SLC24A3: variants seen among roughly 807,000 people sequenced by gnomAD.
SLC24A3 encodes solute carrier family 24 member 3.
In SLC24A3, 28 loss-of-function variants were observed where a neutral mutation model predicts 75.8. That is an observed-to-expected ratio of 0.37 (90% CI 0.27 to 0.51). The LOEUF (loss-of-function observed/expected upper bound fraction) is 0.51. Ranked by LOEUF, SLC24A3 falls within the 20% of genes least tolerant of loss-of-function variation. The pLI, the probability that SLC24A3 is intolerant of heterozygous loss-of-function variation, is 0.94. For synonymous variants in SLC24A3, 372 were observed against 334.1 expected (o/e 1.11, Z -1.24); for missense variants, 663 against 847.8 (o/e 0.78, Z 2.71).
intron 2 of SLC24A3, among the ~76,000 whole-genome samples, chr20:19,376,427 T>A (rs1272406812): frequency 6.6e-6 from 1 of 152,160 alleles, no homozygotes; most frequent in African/African-American, 2.4e-5. Context: ...TTGAACAAAG[T>A]GAGGCTTCCG....
At chr20:19,237,666 T>C (rs961637104) in intron 1 of SLC24A3, among the ~76,000 whole-genome samples, 4 of 152,172 alleles carry the variant, frequency 2.6e-5, no homozygotes, top group Non-Finnish European at 4.4e-5. Context: ...CGTCATTGAA[T>C]GGACAACAGC....
chr20:19,238,965 T>TGC (rs1290087072), intron 1 of SLC24A3, among the ~76,000 whole-genome samples: 1 of 91,988 alleles, frequency 1.1e-5, no homozygotes, highest in African/African-American at 5.5e-5. Context: ...CATGGGCGCA[T>TGC]GCACACACAC....
At chr20:19,457,164 C>G (rs1024210606) in intron 2 of SLC24A3, among the ~76,000 whole-genome samples, 1 of 152,118 alleles carries the variant, frequency 6.6e-6, no homozygotes, top group Admixed American at 6.5e-5. Flanking sequence ...ACCCTAATGG[C>G]GTAATCCCAG....
chr20:19,410,582 G>A (rs1986725781), intron 2 of SLC24A3, among the ~76,000 whole-genome samples: 1 of 152,084 alleles, frequency 6.6e-6, no homozygotes, highest in South Asian at 2.1e-4. Flanking sequence ...CCCTGGTTGG[G>A]TTGAAAAATA....
At chr20:19,269,825 T>C (rs1983272087) in intron 1 of SLC24A3, among the ~76,000 whole-genome samples, 1 of 152,188 alleles carries the variant, frequency 6.6e-6, no homozygotes, top group Non-Finnish European at 1.5e-5. Context: ...CTGAGGCCCG[T>C]ATAATAATAG....
At chr20:19,659,920 A>G (rs2032307593) in intron 7 of SLC24A3, among the ~76,000 whole-genome samples, 1 of 152,156 alleles carries the variant, frequency 6.6e-6, no homozygotes, top group African/African-American at 2.4e-5. Context: ...GAATTTTTTC[A>G]TTAAAATAAC....
chr20:19,620,053 A>G (rs1431504242), intron 6 of SLC24A3, among the ~76,000 whole-genome samples: 5 of 152,104 alleles, frequency 3.3e-5, no homozygotes, highest in Admixed American at 3.3e-4. Context: ...TTTTCAGAGG[A>G]ACTGGACCAC....
intron 2 of SLC24A3, among the ~76,000 whole-genome samples, chr20:19,433,761 G>A (rs1267704590): frequency 6.6e-6 from 1 of 152,196 alleles, no homozygotes; most frequent in Non-Finnish European, 1.5e-5. Context: ...TAGCGCCAAG[G>A]GGAAGTAGGA....
chr20:19,316,064 C>T (rs1347787673), intron 2 of SLC24A3, among the ~76,000 whole-genome samples: 4 of 152,148 alleles, frequency 2.6e-5, no homozygotes, highest in African/African-American at 9.7e-5. Context: ...TGGCTGGGGG[C>T]GGCAGCTCAC....
intron 1 of SLC24A3, among the ~76,000 whole-genome samples, chr20:19,280,265 C>G (rs1022873511): frequency 6.6e-6 from 1 of 152,172 alleles, no homozygotes; most frequent in Non-Finnish European, 1.5e-5. Flanking sequence ...CTACTGTTTC[C>G]TAGTTCGTGC....
At chr20:19,373,285 GA>G (rs1986022513) in intron 2 of SLC24A3, among the ~76,000 whole-genome samples, 2 of 152,146 alleles carry the variant, frequency 1.3e-5, no homozygotes, top group African/African-American at 4.8e-5. Flanking sequence ...GCCTCTCTCG[GA>G]GGCCCTTCCT....
chr20:19,662,368 G>A (rs1216834859), intron 7 of SLC24A3, among the ~76,000 whole-genome samples: 1 of 152,250 alleles, frequency 6.6e-6, no homozygotes, highest in African/African-American at 2.4e-5. Context: ...GTTGACCCCA[G>A]GACAGAGCAC....
intron 3 of SLC24A3, among the ~76,000 whole-genome samples, chr20:19,558,893 A>G (rs1239589948): frequency 6.6e-6 from 1 of 152,200 alleles, no homozygotes; most frequent in Non-Finnish European, 1.5e-5. Context: ...TAATTGATAA[A>G]CATCTGGATT....
intron 1 of SLC24A3, among the ~76,000 whole-genome samples, chr20:19,251,846 A>G (rs904849223): frequency 2.0e-5 from 3 of 152,318 alleles, no homozygotes; most frequent in East Asian, 3.9e-4. Context: ...CGGGGTCCCC[A>G]AGGGGGCATG....
intron 2 of SLC24A3, among the ~76,000 whole-genome samples, chr20:19,390,527 G>A (rs957851047): frequency 4.6e-5 from 7 of 152,100 alleles, no homozygotes; most frequent in Non-Finnish European, 7.4e-5. Context: ...ATGAAGAATG[G>A]CCTGGCACTG....
intron 2 of SLC24A3, among the ~76,000 whole-genome samples, chr20:19,333,830 A>G (rs140725193): frequency 0.011 from 1,744 of 152,278 alleles, 17 homozygotes; most frequent in South Asian, 0.017. Flanking sequence ...CCTCCACCAC[A>G]CATGACTTGG....
intron 2 of SLC24A3, among the ~76,000 whole-genome samples, chr20:19,394,765 G>A (rs949961259): frequency 2.6e-5 from 4 of 152,198 alleles, no homozygotes; most frequent in Non-Finnish European, 5.9e-5. Context: ...GTGTACTCTT[G>A]GAGGGAATGT....
intron 2 of SLC24A3, among the ~76,000 whole-genome samples, chr20:19,482,184 C>G (rs1417177005): frequency 1.3e-5 from 2 of 152,152 alleles, no homozygotes; most frequent in Admixed American, 1.3e-4. Context: ...GGGTGAAGAC[C>G]AACACTTCAA....
At chr20:19,251,371 G>A (rs1478568171) in intron 1 of SLC24A3, among the ~76,000 whole-genome samples, 2 of 152,210 alleles carry the variant, frequency 1.3e-5, no homozygotes, top group Non-Finnish European at 2.9e-5. Flanking sequence ...AGAAAAGTAA[G>A]AACTTATTAA....
Sources: gnomAD v4.1 joint callset for allele counts (sites outside exome capture counted in the v4.1 genomes callset) on GRCh38, gnomAD v4.1.1 for gene constraint, MANE v1.5 for transcripts, NCBI Gene and HGNC (gene_info 2026-07-23, HGNC 2026-07-21) for gene names.